Variants in AKNA observed in about 807,000 individuals in gnomAD.
The protein encoded by AKNA is microtubule organization protein AKNA.
AKNA carries 67 observed loss-of-function variants against 138.8 expected under a neutral mutation model. The observed-to-expected ratio is 0.48, with a 90% confidence interval of 0.40 to 0.59. AKNA has a LOEUF of 0.59. AKNA is among the 20% of genes least tolerant of loss of function. AKNA has a pLI of 0.00. For missense variants in AKNA, 1,813 were observed against 1,880.4 expected (o/e 0.96, Z 0.66); for synonymous variants, 737 against 754.4 (o/e 0.98, Z 0.38).
intron 4 of AKNA, among the ~76,000 whole-genome samples, chr9:114,370,244 G>A (rs1209672835): frequency 1.3e-5 from 2 of 152,218 alleles, no homozygotes; most frequent in Non-Finnish European, 2.9e-5. Flanking sequence ...AACAAAGCTG[G>A]ATTTTAATAA....
Position 114,376,730 on chromosome 9 carries a change from A to G in AKNA, c.1077T>C (p.Pro359=), listed in dbSNP as rs1296751034. Residue 359 remains proline (P), a synonymous_variant, in exon 3 of 22, where the codon CCT becomes CCC. Coordinates refer to ENST00000374088, the MANE Select transcript of AKNA (RefSeq NM_001317950.2). ...YGRGQLNYPL[P]DFSKVGPRVR... Reference sequence around the variant, plus strand: ...CCCGGGGCCCTACCTTGGAGAAATCAGGGAGTGGGTAGTTCAACTGCCCCC... The same window carrying G: ...CCCGGGGCCCTACCTTGGAGAAATCGGGGAGTGGGTAGTTCAACTGCCCCC... 1 of 1,612,492 alleles carries G rather than the reference A, an allele frequency of 6.2e-7. No individual in the cohort carries two copies.
At chr9:114,354,078 A>G (rs1483519254) in intron 14 of AKNA, among the ~76,000 whole-genome samples, 1 of 152,258 alleles carries the variant, frequency 6.6e-6, no homozygotes, top group Admixed American at 6.5e-5. Context: ...AGCTTTTTAA[A>G]TGGTTTTTAA....
chr9:114,366,938 T>C (rs1832407164), intron 6 of AKNA, among the ~76,000 whole-genome samples: 1 of 152,190 alleles, frequency 6.6e-6, no homozygotes, highest in African/African-American at 2.4e-5. Flanking sequence ...ACGTATTTTA[T>C]TTTTTTCTAC....
chr9:114,349,672 G>A (rs1008251607), intron 15 of AKNA, among the ~76,000 whole-genome samples: 3 of 152,294 alleles, frequency 2.0e-5, no homozygotes, highest in Admixed American at 6.5e-5. Flanking sequence ...CATGGAATAT[G>A]CAGTGAATGT....
chr9:114,366,417 T>C (rs370456415), intron 6 of AKNA, among the ~76,000 whole-genome samples: 1 of 151,958 alleles, frequency 6.6e-6, no homozygotes, highest in Admixed American at 6.5e-5. Context: ...CTATGAGACA[T>C]CCACAATAGG....
chr9:114,358,414 T>A, intron 11 of AKNA: 1 of 502,484 alleles, frequency 2.0e-6, no homozygotes, highest in Non-Finnish European at 3.5e-6. Flanking sequence ...AAAGAGGAAA[T>A]GTTAAAGCAG....
In AKNA at chr9:114,374,091, A is replaced by G. The variant is rs1589011648; in HGVS notation, c.1416+2T>C. ...TGCCTCCACCCCATCCCGGCCTGGT[A>G]CCTTGGCCCCGAGGCGTAGCTGGTC... On this transcript the variant is annotated splice_donor_variant, in intron 4 of 21. Transcript: ENST00000374088. LOFTEE classifies it high-confidence loss of function. 6.4e-7 allele frequency: 1 copy of G among 1,554,628 alleles called. No individual in the cohort carries two copies.
At chr9:114,343,937 GGTGA>G in intron 18 of AKNA, 134 bp from the exon 19 acceptor site, 1 of 740,698 alleles carries the variant, frequency 1.4e-6, no homozygotes, top group Non-Finnish European at 2.2e-6. Flanking sequence ...GTGTGCACAC[GGTGA>G]GTGTGCATAC....
At chr9:114,343,107 G>A (rs985851053) in intron 19 of AKNA, among the ~76,000 whole-genome samples, 1 of 152,230 alleles carries the variant, frequency 6.6e-6, no homozygotes, top group African/African-American at 2.4e-5. Flanking sequence ...TTAGTTCATA[G>A]AACTGTGAGG....
At chr9:114,371,506 G>A (rs1294956878) in intron 4 of AKNA, among the ~76,000 whole-genome samples, 1 of 152,230 alleles carries the variant, frequency 6.6e-6, no homozygotes, top group Non-Finnish European at 1.5e-5. Context: ...GCTTACCCAG[G>A]CATGAGGAAA....
intron 1 of AKNA, among the ~76,000 whole-genome samples, chr9:114,383,329 G>A (rs10982190): frequency 0.034 from 5,215 of 152,090 alleles, 130 homozygotes; most frequent in Middle Eastern, 0.095. Context: ...TCCTTCTGAC[G>A]CTCCTGCTAT....
chr9:114,343,765 T>C lies in AKNA; in HGVS notation c.3700A>G (p.Lys1234Glu), dbSNP rs1830506673. 3 of 1,614,020 alleles carry C rather than the reference T, an allele frequency of 1.9e-6. No homozygotes were observed. Among genetic ancestry groups the C allele is most frequent in the African/African-American group, 2.7e-5 (2 of 74,932 alleles). ...YHVLSPKAVP[K>E]GNGTVSCPHC... is the part of the protein sequence containing the mutation. ...GGACAGGAGACTGTGCCATTGCCTT[T>C]TGGGACCGCCTTAGGGGACAGAACA... The change falls in exon 19 of 22, where the codon AAA (lysine) becomes GAA (glutamate). Residue 1234 changes from lysine (K) to glutamate (E), a missense_variant. Transcript: ENST00000374088.
At chr9:114,381,655 G>GTTTTTTTTTTTT (rs1160552279) in intron 1 of AKNA, among the ~76,000 whole-genome samples, 1 of 82,858 alleles carries the variant, frequency 1.2e-5, no homozygotes, top group Non-Finnish European at 2.1e-5. Flanking sequence ...TCTCTCCAGG[G>GTTTTTTTTTTTT]TTTTTTTTTT....
At chr9:114,356,614 G>A (rs965409979) in intron 13 of AKNA, among the ~76,000 whole-genome samples, 1 of 152,104 alleles carries the variant, frequency 6.6e-6, no homozygotes, top group Non-Finnish European at 1.5e-5. Flanking sequence ...CCATTCATTT[G>A]CTCAACAAAA....
At chr9:114,364,101 C>T (rs117486765) in intron 7 of AKNA, among the ~76,000 whole-genome samples, 1 of 151,728 alleles carries the variant, frequency 6.6e-6, no homozygotes, top group South Asian at 2.1e-4. Context: ...AAAGAAAAGG[C>T]CTTTTTCTGC....
At chr9:114,374,534 CT>C (rs1389462094) in intron 3 of AKNA, among the ~76,000 whole-genome samples, 2 of 152,204 alleles carry the variant, frequency 1.3e-5, no homozygotes, top group African/African-American at 4.8e-5. Flanking sequence ...CCATATCTTT[CT>C]TTCCCCCTGC....
chr9:114,371,186 G>A (rs1416458199), intron 4 of AKNA, among the ~76,000 whole-genome samples: 8 of 152,170 alleles, frequency 5.3e-5, no homozygotes, highest in South Asian at 2.1e-4. Flanking sequence ...CAGACCCATC[G>A]GTGTTCCTGG....
Position 114,343,072 on chromosome 9 carries a change from A to G in AKNA, c.3757+636T>C, listed in dbSNP as rs563937501. ...TGAGCCTTGGTGTCCTTGTCTATAA[A>G]ATGGACGTAATAGTACTGCAGTACT... On this transcript the variant is annotated intron_variant, in intron 19 of 21. Transcript: ENST00000374088. Among the ~76,000 whole-genome samples, 68 of 152,346 alleles carry G rather than the reference A, an allele frequency of 4.5e-4. 1 individual carries two copies. The South Asian group carries it at 0.014, about 31-fold the overall frequency.
chr9:114,342,028 A>G lies in AKNA; in HGVS notation c.3855T>C (p.Gly1285=). The change falls in exon 20 of 22, where the codon GGT becomes GGC. Residue 1285 remains glycine (G), a synonymous_variant. Transcript: ENST00000374088. Reference sequence around the variant, plus strand: ...CCCTACCAGAGGTGGCTGAGCCTGGACCATCTGCCTCTGGGGGAGACCCAA... The same window carrying G: ...CCCTACCAGAGGTGGCTGAGCCTGGGCCATCTGCCTCTGGGGGAGACCCAA... ...GQVGSPPEAD[G]PGSATSGAEK... 6.2e-7 allele frequency: 1 copy of G among 1,614,010 alleles called. No homozygotes were observed. The highest frequency in any genetic ancestry group is 8.5e-7 in the Non-Finnish European group (1 of 1,179,890).
Sources: gnomAD v4.1 joint callset for allele counts (sites outside exome capture counted in the v4.1 genomes callset) on GRCh38, gnomAD v4.1.1 for gene constraint, MANE v1.5 for transcripts, NCBI Gene and HGNC (gene_info 2026-07-23, HGNC 2026-07-21) for gene names.